GPM6B: variants seen among roughly 807,000 people sequenced by gnomAD.
GPM6B encodes glycoprotein M6B, also known as neuronal membrane glycoprotein M6-b.
A neutral mutation model predicts 27.2 loss-of-function variants in GPM6B; 4 were observed. The ratio of observed to expected loss-of-function variants is 0.15; its 90% CI spans 0.07 to 0.34. GPM6B has a LOEUF of 0.34. Ranked by LOEUF, GPM6B falls within the 10% of genes least tolerant of loss-of-function variation. The pLI is 1.00. For missense variants in GPM6B, 183 were observed against 261.9 expected, an observed-to-expected ratio of 0.70 and a Z score of 2.08; for synonymous variants, 124 against 103.1, an observed-to-expected ratio of 1.20 and a Z score of -1.23.
At chrX:13,859,663 C>T (rs971258584) in intron 1 of GPM6B, among the ~76,000 whole-genome samples, 1 of 109,272 alleles carries the variant, frequency 9.2e-6, no homozygotes, top group Non-Finnish European at 1.9e-5. Flanking sequence ...AGTTTTTGTT[C>T]ATCTAAAAAA....
intron 1 of GPM6B, among the ~76,000 whole-genome samples, chrX:13,908,721 A>G (rs1382319824): frequency 1.8e-5 from 2 of 112,732 alleles, no homozygotes; most frequent in African/African-American, 6.4e-5. Flanking sequence ...ACTTTGTACT[A>G]TTTTTATAAC....
Position 13,816,983 on chromosome X carries a change from TC to T in GPM6B, c.-80del, listed in dbSNP as rs764153409. ...TCCTCCTCTTCCTTTTCTTTTGGACTCCCCTCCGTCTCTTATTTACACCCGT... is the reference window on the plus strand; with the variant it reads ...TCCTCCTCTTCCTTTTCTTTTGGACTCCCTCCGTCTCTTATTTACACCCGT... On this transcript the variant is annotated 5_prime_UTR_variant, in exon 1 of 8. Transcript: ENST00000316715. 409 of 1,146,184 alleles carry T rather than the reference TC, an allele frequency of 3.6e-4. No individual in the cohort carries two copies. The highest frequency in any genetic ancestry group is 4.4e-4 in the Non-Finnish European group (381 of 867,623). The allele number at this position is 1,146,184 out of a possible 1,213,427, so 94.5% of individuals were successfully genotyped here.
intron 1 of GPM6B, among the ~76,000 whole-genome samples, chrX:13,809,834 G>T (rs1458270371): frequency 9.4e-6 from 1 of 106,553 alleles, no homozygotes; most frequent in African/African-American, 3.5e-5. Context: ...CTACCCAGGA[G>T]GCTGAGGCAG....
chrX:13,861,091 T>C (rs1018033286), intron 1 of GPM6B, among the ~76,000 whole-genome samples: 1 of 107,647 alleles, frequency 9.3e-6, no homozygotes, highest in African/African-American at 3.4e-5. Flanking sequence ...TACACACATA[T>C]ATACACATAC....
At chrX:13,919,172 A>C (rs1442443858) in intron 1 of GPM6B, among the ~76,000 whole-genome samples, 1 of 111,743 alleles carries the variant, frequency 8.9e-6, no homozygotes, top group Admixed American at 9.6e-5. Context: ...TGACTGGCCA[A>C]TATGTAGCTC....
intron 1 of GPM6B, among the ~76,000 whole-genome samples, chrX:13,915,783 A>AT (rs2050422829): frequency 8.9e-6 from 1 of 112,570 alleles, no homozygotes; most frequent in Admixed American, 9.4e-5. Context: ...GTCTGCCTGC[A>AT]TATCTGCCAT....
At chrX:13,835,955 T>A (rs1339087959) in intron 1 of GPM6B, among the ~76,000 whole-genome samples, 1 of 112,531 alleles carries the variant, frequency 8.9e-6, no homozygotes, top group Non-Finnish European at 1.9e-5. Flanking sequence ...TAGCTTCTAG[T>A]TTCTGAAGAT....
At chrX:13,835,549 G>A (rs907082088) in intron 1 of GPM6B, among the ~76,000 whole-genome samples, 5 of 111,940 alleles carry the variant, frequency 4.5e-5, no homozygotes, top group African/African-American at 1.6e-4. Flanking sequence ...ACTCCTTGGT[G>A]CCTCAGAGCC....
intron 1 of GPM6B, among the ~76,000 whole-genome samples, chrX:13,853,007 G>C (rs770136900): frequency 9.0e-6 from 1 of 110,709 alleles, no homozygotes; most frequent in Non-Finnish European, 1.9e-5. Flanking sequence ...TAAATTTCCA[G>C]AAGTGGGAAT....
chrX:13,842,188 C>T (rs2049585006), intron 1 of GPM6B, among the ~76,000 whole-genome samples: 1 of 112,314 alleles, frequency 8.9e-6, no homozygotes, highest in African/African-American at 3.2e-5. Context: ...AGAAAATTGT[C>T]ATTGCATTCA....
At chrX:13,796,927 G>A (rs2048826981) in intron 2 of GPM6B, among the ~76,000 whole-genome samples, 1 of 112,435 alleles carries the variant, frequency 8.9e-6, no homozygotes, top group Non-Finnish European at 1.9e-5. Flanking sequence ...TTTTCCCAAA[G>A]GCTTTTAGCC....
At chrX:13,792,916 A>T (rs2048741045) in intron 2 of GPM6B, among the ~76,000 whole-genome samples, 1 of 107,714 alleles carries the variant, frequency 9.3e-6, no homozygotes, top group Non-Finnish European at 1.9e-5. Context: ...AAAAAAAAAA[A>T]AATTCTAAGC....
chrX:13,897,029 T>A (rs192922212), intron 1 of GPM6B, among the ~76,000 whole-genome samples: 1 of 112,705 alleles, frequency 8.9e-6, no homozygotes, highest in East Asian at 2.8e-4. Flanking sequence ...TTATTCCAGA[T>A]GACTGAGTCA....
chrX:13,865,180 C>G (rs901593737), intron 1 of GPM6B, among the ~76,000 whole-genome samples: 4 of 110,712 alleles, frequency 3.6e-5, no homozygotes, highest in Non-Finnish European at 7.6e-5. Flanking sequence ...GGGAGGCATC[C>G]AACTTGGTCA....
chrX:13,914,935 T>C (rs755531266), intron 1 of GPM6B, among the ~76,000 whole-genome samples: 5 of 110,755 alleles, frequency 4.5e-5, no homozygotes, highest in East Asian at 2.8e-4. Context: ...TCTGGCCCAA[T>C]TGATTGTGAC....
chrX:13,837,710 TGGGGGGGGGGGGG>T (rs771546203), intron 1 of GPM6B, among the ~76,000 whole-genome samples: 1 of 11,382 alleles, frequency 8.8e-5, no homozygotes, highest in Non-Finnish European at 2.8e-4. Flanking sequence ...AGCAAGTTGG[TGGGGGGGGGGGGG>T]GGGGGAAGCA....
intron 1 of GPM6B, among the ~76,000 whole-genome samples, chrX:13,900,528 G>C (rs1363581411): frequency 9.0e-6 from 1 of 110,966 alleles, no homozygotes; most frequent in Non-Finnish European, 1.9e-5. Flanking sequence ...GTTGTGCCAC[G>C]TGCGTGTTTT....
intron 1 of GPM6B, among the ~76,000 whole-genome samples, chrX:13,851,374 C>G (rs1315098715): frequency 9.1e-6 from 1 of 110,356 alleles, no homozygotes; most frequent in Non-Finnish European, 1.9e-5. Context: ...TGAAAATGAT[C>G]ATATCAATCC....
At chrX:13,797,153 T>C (rs1033753434) in intron 2 of GPM6B, among the ~76,000 whole-genome samples, 1 of 112,448 alleles carries the variant, frequency 8.9e-6, no homozygotes, top group Non-Finnish European at 1.9e-5. Context: ...TTCCATTCCA[T>C]TCAATGAGTG....
Sources: gnomAD v4.1 joint callset for allele counts (sites outside exome capture counted in the v4.1 genomes callset) on GRCh38, gnomAD v4.1.1 for gene constraint, MANE v1.5 for transcripts, NCBI Gene and HGNC (gene_info 2026-07-23, HGNC 2026-07-21) for gene names.